The following STX6 variants were observed in gnomAD, a reference collection of about 807,000 sequenced individuals.
STX6 encodes syntaxin-6.
In STX6, 23 loss-of-function variants were observed where a neutral mutation model predicts 38.0. The observed-to-expected ratio is 0.60, with a 90% CI of 0.43 to 0.86. STX6 has a LOEUF of 0.86. Among genes scored for constraint, STX6 ranks in the 40% least tolerant of loss-of-function variants. The pLI, the probability that STX6 is intolerant of heterozygous loss-of-function variation, is 0.00. For synonymous variants in STX6, 123 were observed against 107.5 expected, an observed-to-expected ratio of 1.14 and a Z score of -0.89; for missense variants, 274 against 312.9, an observed-to-expected ratio of 0.88 and a Z score of 0.94.
At chr1:181,005,757 T>C (rs897845369) in intron 1 of STX6, among the ~76,000 whole-genome samples, 1 of 152,222 alleles carries the variant, frequency 6.6e-6, no homozygotes, top group African/African-American at 2.4e-5. Context: ...CGTAAAAGTA[T>C]AATGAAGCAA....
chr1:181,009,084 G>C (rs992656682), intron 1 of STX6, among the ~76,000 whole-genome samples: 1 of 151,960 alleles, frequency 6.6e-6, no homozygotes, highest in Admixed American at 6.6e-5. Context: ...TATATACTAA[G>C]GGAGAAGATA....
intron 5 of STX6, 183 bp from the exon 6 acceptor site, chr1:180,988,528 T>C (rs1655656355): frequency 1.8e-6 from 1 of 542,442 alleles, no homozygotes; most frequent in Non-Finnish European, 3.3e-6. Context: ...GCTGGATTGT[T>C]AAGCTACTGA....
intron 1 of STX6, among the ~76,000 whole-genome samples, chr1:181,018,470 C>T (rs1656630806): frequency 6.8e-6 from 1 of 146,092 alleles, no homozygotes; most frequent in Non-Finnish European, 1.5e-5. Context: ...TTTAAAATGA[C>T]CATATTATAT....
Position 181,022,735 on chromosome 1 carries a change from T to G in STX6, c.-62A>C. The G allele has an allele frequency of 4.6e-6, 7 of 1,517,102 alleles. No homozygotes were observed. The highest frequency in any genetic ancestry group is 6.3e-6 in the Non-Finnish European group (7 of 1,117,804). 94.0% of individuals were successfully genotyped at this position (1,517,102 alleles called of 1,614,324 possible). On this transcript the variant is annotated 5_prime_UTR_variant, in exon 1 of 8. Transcript: ENST00000258301. ...CACAGGGCGCCCGTGCCTCCCGGTC[T>G]CCCTCCGCCCACCCCGCCTGTTCCC...
intron 1 of STX6, among the ~76,000 whole-genome samples, chr1:181,022,139 T>C (rs919161212): frequency 7.1e-6 from 1 of 141,584 alleles, no homozygotes; most frequent in Middle Eastern, 3.4e-3. Flanking sequence ...CAGACGCCTC[T>C]GGGCTTGTTG....
At position 180,975,659 on chromosome 1, in the gene STX6, G is replaced by A. The variant is rs1360652559; in HGVS notation, c.*911C>T. On this transcript the variant is annotated 3_prime_UTR_variant, in exon 8 of 8. Coordinates refer to ENST00000258301, the MANE Select transcript of STX6 (RefSeq NM_005819.6). ...GCCCTAAGAGTAAAAGAACTGTAAT[G>A]AGGACAATCTGGTATCCAAATTCAT... The A allele has an allele frequency of 1.3e-5, 2 of 152,136 alleles. No homozygotes were observed. Among genetic ancestry groups the A allele is most frequent in the Non-Finnish European group, 2.9e-5 (2 of 68,026 alleles). The allele number at this position is 152,136 out of a possible 1,614,324, so 9.4% of individuals were successfully genotyped here.
chr1:180,994,743 C>G (rs1655851319), intron 3 of STX6, among the ~76,000 whole-genome samples: 1 of 152,024 alleles, frequency 6.6e-6, no homozygotes, highest in African/African-American at 2.4e-5. Context: ...GAAATAAGAC[C>G]TAGTGCTCAA....
intron 1 of STX6, 91 bp from the exon 2 acceptor site, chr1:181,005,554 C>T: frequency 2.4e-6 from 3 of 1,257,560 alleles, no homozygotes; most frequent in Middle Eastern, 4.8e-4. Context: ...TATGATCATA[C>T]ACCATCCTCA....
chr1:181,016,852 C>T (rs760524269), intron 1 of STX6, among the ~76,000 whole-genome samples: 1 of 151,848 alleles, frequency 6.6e-6, no homozygotes, highest in Non-Finnish European at 1.5e-5. Flanking sequence ...TTTGGGAGGC[C>T]GAGGCGGGCA....
In STX6 at chr1:181,005,330, T is replaced by C. The variant is rs1295558818; in HGVS notation, c.169A>G (p.Ile57Val). 3 of 1,614,016 alleles carry C rather than the reference T, an allele frequency of 1.9e-6. No homozygotes were observed. In the African/African-American group the frequency reaches 4.0e-5, roughly 22 times the overall value. ...TNELRNNLRS[I>V]EWDLEDLDET... ...TCAAGGTCCTCTAGATCCCACTCTATGCTCCGGAGGTTATTTCTCAGCTCG... is the reference window on the plus strand; with the variant it reads ...TCAAGGTCCTCTAGATCCCACTCTACGCTCCGGAGGTTATTTCTCAGCTCG... The change falls in exon 2 of 8, where the codon ATA becomes GTA. Residue 57 changes from isoleucine (I) to valine (V), a missense_variant. Ile to Val is a conservative substitution (Grantham distance 29, BLOSUM62 3). Transcript: ENST00000258301.
intron 3 of STX6, among the ~76,000 whole-genome samples, chr1:181,000,769 T>C (rs915112033): frequency 2.0e-5 from 3 of 151,860 alleles, no homozygotes; most frequent in African/African-American, 7.3e-5. Flanking sequence ...TAAGTCTACC[T>C]TGCAGAAATA....
chr1:181,021,662 A>C (rs183780277), intron 1 of STX6, among the ~76,000 whole-genome samples: 3 of 152,338 alleles, frequency 2.0e-5, no homozygotes, highest in South Asian at 4.1e-4. Flanking sequence ...GTTTCTAATA[A>C]GAAACTAAAA....
chr1:181,017,685 A>C (rs1656599588), intron 1 of STX6, among the ~76,000 whole-genome samples: 1 of 152,248 alleles, frequency 6.6e-6, no homozygotes, highest in Admixed American at 6.5e-5. Context: ...GTACATCCTT[A>C]CTGAATACAA....
chr1:180,990,287 G>A (rs944952772), intron 4 of STX6, among the ~76,000 whole-genome samples, 178 bp from the exon 5 acceptor site: 2 of 152,146 alleles, frequency 1.3e-5, no homozygotes, highest in African/African-American at 4.8e-5. Flanking sequence ...AGGAATTCCA[G>A]GAAGGGCCCT....
At chr1:180,988,135 C>G in intron 6 of STX6, 104 bp downstream of exon 6, 1 of 739,736 alleles carries the variant, frequency 1.4e-6, no homozygotes, top group South Asian at 1.7e-5. Context: ...AATAAAATAG[C>G]TTTTGATTTT....
intron 3 of STX6, among the ~76,000 whole-genome samples, chr1:181,001,289 T>G (rs1656072549): frequency 6.6e-6 from 1 of 152,240 alleles, no homozygotes; most frequent in Admixed American, 6.5e-5. Flanking sequence ...CCCAAGTCTT[T>G]TTATTCAAGG....
rs544385562 is a variant in STX6 at position 180,973,217 on chromosome 1, C to T, written c.*3353G>A. The T allele has an allele frequency of 1.3e-5, 2 of 152,350 alleles. No individual in the cohort carries two copies. Among genetic ancestry groups the T allele is most frequent in the South Asian group, 4.1e-4 (2 of 4,822 alleles). The allele number at this position is 152,350 out of a possible 1,614,324, so 9.4% of individuals were successfully genotyped here. A position where few individuals can be genotyped will look rare whatever the true frequency, so the allele number is the denominator to read the frequency against. On this transcript the variant is annotated 3_prime_UTR_variant, in exon 8 of 8. Coordinates refer to ENST00000258301, the MANE Select transcript of STX6 (RefSeq NM_005819.6). ...AGACAGTCCAATTTTGTTTTGTTTACAAATTCATCTTGCAGTACAAGGTGA... is the reference window on the plus strand; with the variant it reads ...AGACAGTCCAATTTTGTTTTGTTTATAAATTCATCTTGCAGTACAAGGTGA...
chr1:180,989,572 T>C (rs1655692933), intron 5 of STX6, among the ~76,000 whole-genome samples: 1 of 152,170 alleles, frequency 6.6e-6, no homozygotes, highest in Admixed American at 6.5e-5. Context: ...AAAGTGTCTT[T>C]GCTGAGATGG....
intron 6 of STX6, among the ~76,000 whole-genome samples, chr1:180,987,038 T>C (rs1655607801): frequency 6.6e-6 from 1 of 152,140 alleles, no homozygotes; most frequent in Non-Finnish European, 1.5e-5. Flanking sequence ...ACTCCTCACC[T>C]CACCTCCACT....
Sources: allele counts gnomAD v4.1 joint callset (sites outside exome capture counted in the v4.1 genomes callset), GRCh38; gene constraint gnomAD v4.1.1; transcripts MANE v1.5; gene names NCBI Gene and HGNC (gene_info 2026-07-23, HGNC 2026-07-21).